ENTREP2: variants seen among roughly 807,000 people sequenced by gnomAD.
ENTREP2 encodes endosomal transmembrane epsin interactor 2.
the ENTREP2 span, among the ~76,000 whole-genome samples, chr15:29,250,136 A>G: frequency 6.6e-6 from 1 of 152,160 alleles, no homozygotes; most frequent in Non-Finnish European, 1.5e-5. Flanking sequence ...TAGGAAAGGG[A>G]AGCAAGGCCG....
chr15:29,342,561 C>A, the ENTREP2 span, among the ~76,000 whole-genome samples: 2 of 152,206 alleles, frequency 1.3e-5, no homozygotes, highest in Non-Finnish European at 2.9e-5. Context: ...AAAAATTATC[C>A]TCCTGGGGCT....
the ENTREP2 span, among the ~76,000 whole-genome samples, chr15:29,190,672 C>A: frequency 4.5e-3 from 681 of 152,286 alleles, 2 homozygotes; most frequent in African/African-American, 0.016. Context: ...AATTCAAACA[C>A]AACTAAAATC....
the ENTREP2 span, among the ~76,000 whole-genome samples, chr15:29,441,067 T>A: frequency 1.3e-5 from 2 of 152,162 alleles, no homozygotes; most frequent in African/African-American, 4.8e-5. Context: ...GCAAACCAAG[T>A]GTCCATCCAC....
At chr15:29,240,790 CCCTA>C in the ENTREP2 span, among the ~76,000 whole-genome samples, 1 of 152,166 alleles carries the variant, frequency 6.6e-6, no homozygotes, top group Non-Finnish European at 1.5e-5. Flanking sequence ...GTCTCAGATT[CCCTA>C]CCTGTCTCCC....
the ENTREP2 span, among the ~76,000 whole-genome samples, chr15:29,381,355 G>A: frequency 1.3e-5 from 2 of 150,400 alleles, no homozygotes; most frequent in Non-Finnish European, 3.0e-5. Context: ...TATTCAGGAG[G>A]CTGAGGCAGA....
At chr15:29,206,082 A>G in the ENTREP2 span, among the ~76,000 whole-genome samples, 12 of 152,306 alleles carry the variant, frequency 7.9e-5, no homozygotes, top group African/African-American at 2.6e-4. Context: ...TCTCTGGACT[A>G]CTATTAACAA....
chr15:29,422,513 A>G, the ENTREP2 span, among the ~76,000 whole-genome samples: 1 of 152,170 alleles, frequency 6.6e-6, no homozygotes, highest in South Asian at 2.1e-4. Flanking sequence ...TGTAGGGGGA[A>G]AGTCAGCAAG....
chr15:29,250,307 G>C, the ENTREP2 span, among the ~76,000 whole-genome samples: 3 of 152,162 alleles, frequency 2.0e-5, no homozygotes, highest in Admixed American at 2.0e-4. Flanking sequence ...TTCTGGCCTT[G>C]TATGAGCCAA....
chr15:29,205,592 T>G, the ENTREP2 span, among the ~76,000 whole-genome samples: 1 of 152,244 alleles, frequency 6.6e-6, no homozygotes, highest in African/African-American at 2.4e-5. Flanking sequence ...CACCTTTTCA[T>G]GTGCTTACTG....
the ENTREP2 span, among the ~76,000 whole-genome samples, chr15:29,307,827 C>T: frequency 6.6e-6 from 1 of 152,280 alleles, no homozygotes; most frequent in East Asian, 1.9e-4. Context: ...GAGAACCAGA[C>T]CATGCTGCCA....
At chr15:29,642,461 C>CAT in the ENTREP2 span, among the ~76,000 whole-genome samples, 1 of 147,608 alleles carries the variant, frequency 6.8e-6, no homozygotes, top group Non-Finnish European at 1.5e-5. Context: ...TACACACACA[C>CAT]ATATATATAC....
chr15:29,228,094 G>A, the ENTREP2 span, among the ~76,000 whole-genome samples: 1 of 152,160 alleles, frequency 6.6e-6, no homozygotes, highest in African/African-American at 2.4e-5. Flanking sequence ...CACTTTGGGA[G>A]GCTGAGGCGG....
At chr15:29,395,053 CTTT>C in the ENTREP2 span, among the ~76,000 whole-genome samples, 7 of 127,730 alleles carry the variant, frequency 5.5e-5, no homozygotes, top group African/African-American at 1.8e-4. Context: ...CGCCCGGCTA[CTTT>C]TTTTTGTATT....
chr15:29,544,745 A>C, the ENTREP2 span, among the ~76,000 whole-genome samples: 65,196 of 151,834 alleles, frequency 0.43, 14,670 homozygotes, highest in African/African-American at 0.57. Flanking sequence ...TGAATTTCTT[A>C]AGGTCTAACA....
the ENTREP2 span, among the ~76,000 whole-genome samples, chr15:29,377,272 C>T: frequency 1.3e-5 from 2 of 152,086 alleles, no homozygotes; most frequent in Non-Finnish European, 2.9e-5. Flanking sequence ...AGGTCTCACA[C>T]GTCATCTGGA....
chr15:29,223,844 C>T, the ENTREP2 span, among the ~76,000 whole-genome samples: 1 of 152,288 alleles, frequency 6.6e-6, no homozygotes, highest in East Asian at 1.9e-4. Context: ...AGACGAAAAG[C>T]AGGCACTCTC....
chr15:29,422,497 G>C, the ENTREP2 span, among the ~76,000 whole-genome samples: 1 of 152,162 alleles, frequency 6.6e-6, no homozygotes, highest in African/African-American at 2.4e-5. Context: ...GTAAACTCTA[G>C]GAGTTTGTAG....
the ENTREP2 span, among the ~76,000 whole-genome samples, chr15:29,285,168 T>C: frequency 6.6e-6 from 1 of 151,924 alleles, no homozygotes; most frequent in Non-Finnish European, 1.5e-5. Context: ...GTGGGGGCTC[T>C]TTAAGCTGTG....
At chr15:29,637,865 C>T in the ENTREP2 span, among the ~76,000 whole-genome samples, 1 of 152,142 alleles carries the variant, frequency 6.6e-6, no homozygotes, top group African/African-American at 2.4e-5. Context: ...GCACTGCCAA[C>T]GCTGGTCCAT....
Sources: gnomAD v4.1 joint callset for allele counts (sites outside exome capture counted in the v4.1 genomes callset) on GRCh38, gnomAD v4.1.1 for gene constraint, MANE v1.5 for transcripts, NCBI Gene and HGNC (gene_info 2026-07-23, HGNC 2026-07-21) for gene names.